The following ARB2A variants were observed in gnomAD, a reference collection of about 807,000 sequenced individuals.
The protein encoded by ARB2A is ARB2 cotranscriptional regulator A.
chr5:94,055,556 T>TA, the ARB2A span: 222 of 776,188 alleles, frequency 2.9e-4, 1 homozygote, highest in Middle Eastern at 2.0e-3. Flanking sequence ...ATCCCCAATA[T>TA]AAAAAAAAAG....
At chr5:93,996,236 CA>C in the ARB2A span, among the ~76,000 whole-genome samples, 1 of 151,972 alleles carries the variant, frequency 6.6e-6, no homozygotes, top group South Asian at 2.1e-4. Context: ...TACACATGCA[CA>C]AGTATACATC....
the ARB2A span, among the ~76,000 whole-genome samples, chr5:93,987,141 T>G: frequency 6.6e-6 from 1 of 152,182 alleles, no homozygotes; most frequent in African/African-American, 2.4e-5. Flanking sequence ...AGATCGACCC[T>G]GTAAGTTAAC....
At chr5:93,974,661 C>T in the ARB2A span, among the ~76,000 whole-genome samples, 1 of 152,126 alleles carries the variant, frequency 6.6e-6, no homozygotes, top group South Asian at 2.1e-4. Context: ...TTCTCATCTG[C>T]ACACAGAACA....
At chr5:94,100,293 G>A in the ARB2A span, among the ~76,000 whole-genome samples, 4 of 151,960 alleles carry the variant, frequency 2.6e-5, no homozygotes, top group Non-Finnish European at 5.9e-5. Context: ...GAGATGACAC[G>A]CAAATAAATG....
the ARB2A span, among the ~76,000 whole-genome samples, chr5:94,090,710 G>C: frequency 6.6e-6 from 1 of 152,106 alleles, no homozygotes; most frequent in African/African-American, 2.4e-5. Context: ...TCAATACCTA[G>C]TTTATTGAGA....
At chr5:93,920,239 G>A in the ARB2A span, among the ~76,000 whole-genome samples, 1 of 152,094 alleles carries the variant, frequency 6.6e-6, no homozygotes, top group South Asian at 2.1e-4. Flanking sequence ...CTCTGTGCCA[G>A]GTGTGTCTTA....
At chr5:93,733,089 T>C in the ARB2A span, 2 of 152,182 alleles carry the variant, frequency 1.3e-5, no homozygotes, top group Non-Finnish European at 2.9e-5. Context: ...AACCCTTTGT[T>C]AAACATTTAG....
the ARB2A span, among the ~76,000 whole-genome samples, chr5:93,776,503 C>T: frequency 2.6e-5 from 4 of 152,268 alleles, no homozygotes; most frequent in South Asian, 8.3e-4. Flanking sequence ...AAGGGCAGGG[C>T]GCGGTAGCTC....
chr5:93,654,256 G>A, the ARB2A span, among the ~76,000 whole-genome samples: 2 of 152,156 alleles, frequency 1.3e-5, no homozygotes, highest in Non-Finnish European at 2.9e-5. Context: ...GTGACCATAA[G>A]CAAGGGCTCT....
At chr5:93,703,466 GT>G in the ARB2A span, among the ~76,000 whole-genome samples, 1 of 152,202 alleles carries the variant, frequency 6.6e-6, no homozygotes, top group African/African-American at 2.4e-5. Flanking sequence ...TGCAAACAGG[GT>G]TAGTTCCCTT....
At chr5:93,761,064 A>T in the ARB2A span, among the ~76,000 whole-genome samples, 1 of 152,150 alleles carries the variant, frequency 6.6e-6, no homozygotes, top group South Asian at 2.1e-4. Context: ...AGGAAAAAAC[A>T]ATCCCGGGGG....
the ARB2A span, among the ~76,000 whole-genome samples, chr5:93,793,173 A>C: frequency 6.6e-6 from 1 of 150,854 alleles, no homozygotes; most frequent in East Asian, 2.0e-4. Context: ...CCTGGGCTCA[A>C]GTGAACCTCT....
chr5:93,913,161 T>C, the ARB2A span, among the ~76,000 whole-genome samples: 1 of 151,838 alleles, frequency 6.6e-6, no homozygotes, highest in Admixed American at 6.6e-5. Flanking sequence ...TTGCTCTGAT[T>C]CCCCACACTT....
chr5:93,943,862 G>A, the ARB2A span, among the ~76,000 whole-genome samples: 9 of 152,038 alleles, frequency 5.9e-5, no homozygotes, highest in East Asian at 5.8e-4. Context: ...ATCAAAAAAC[G>A]GGGAAAAATC....
the ARB2A span, among the ~76,000 whole-genome samples, chr5:93,800,339 C>A: frequency 1.3e-5 from 2 of 148,980 alleles, no homozygotes; most frequent in Non-Finnish European, 3.0e-5. Flanking sequence ...AAAATCAATA[C>A]CTTTAGCTAA....
At chr5:93,832,350 CT>C in the ARB2A span, among the ~76,000 whole-genome samples, 1 of 152,102 alleles carries the variant, frequency 6.6e-6, no homozygotes, top group Non-Finnish European at 1.5e-5. Context: ...AAGAGACATG[CT>C]CAATTCTAAG....
At chr5:93,830,350 T>TATATATA in the ARB2A span, among the ~76,000 whole-genome samples, 1 of 140,276 alleles carries the variant, frequency 7.1e-6, no homozygotes, top group Non-Finnish European at 1.5e-5. Context: ...TATATATATA[T>TATATATA]ATCCACACAC....
the ARB2A span, among the ~76,000 whole-genome samples, chr5:93,697,224 A>T: frequency 6.6e-6 from 1 of 151,862 alleles, no homozygotes; most frequent in East Asian, 1.9e-4. Context: ...AGATAGGTTC[A>T]TCTCATCAGA....
the ARB2A span, among the ~76,000 whole-genome samples, chr5:93,978,716 C>G: frequency 1.3e-5 from 2 of 152,012 alleles, no homozygotes; most frequent in African/African-American, 4.8e-5. Context: ...ATGCCCAGAC[C>G]TCAGCATCAT....
Sources: gnomAD v4.1 joint callset for allele counts (sites outside exome capture counted in the v4.1 genomes callset) on GRCh38, gnomAD v4.1.1 for gene constraint, MANE v1.5 for transcripts, NCBI Gene and HGNC (gene_info 2026-07-23, HGNC 2026-07-21) for gene names.